The following FAM204A variants were observed in gnomAD, a reference collection of about 807,000 sequenced individuals.
FAM204A encodes the protein protein FAM204A.
FAM204A carries 16 observed loss-of-function variants against 35.4 expected under a neutral mutation model. The ratio of observed to expected loss-of-function variants is 0.45; its 90% CI spans 0.31 to 0.69. The LOEUF (loss-of-function observed/expected upper bound fraction) is 0.69. Among genes scored for constraint, FAM204A ranks in the 30% least tolerant of loss-of-function variants. The pLI is 0.07. For synonymous variants in FAM204A, 76 were observed against 86.9 expected (o/e 0.88, Z 0.70); for missense variants, 240 against 265.7 (o/e 0.90, Z 0.67).
intron 8 of FAM204A, 144 bp downstream of exon 8, chr10:118,311,063 C>G: frequency 9.7e-7 from 1 of 1,026,752 alleles, no homozygotes; most frequent in African/African-American, 1.6e-5. Flanking sequence ...AGAAATGCCT[C>G]TATATTTATA....
chr10:118,313,153 TA>T (rs111988854), intron 7 of FAM204A, among the ~76,000 whole-genome samples: 289 of 144,126 alleles, frequency 2.0e-3, no homozygotes, highest in Middle Eastern at 7.2e-3. Flanking sequence ...GTCATACATG[TA>T]AAAAAAAAAA....
In FAM204A at chr10:118,335,207, C is replaced by T. The variant is rs565833159; in HGVS notation, c.360G>A (p.Pro120=). The T allele has an allele frequency of 1.9e-5, 30 of 1,612,200 alleles. No homozygotes were observed. The highest frequency in any genetic ancestry group is 1.8e-4 in the East Asian group (8 of 44,812). The change falls in exon 6 of 9, where the codon CCG becomes CCA. Residue 120 remains proline, a synonymous_variant. Coordinates refer to ENST00000369183, the MANE Select transcript of FAM204A (RefSeq NM_022063.3). ...CTTTCCACTGGGTTTCATTTGAGGA[C>T]GGTTCACTAAAAGAAGATAGTAAGT... ...LKNEKELHSE[P]SSNETQWKEL...
rs893022143 is a variant in FAM204A, at chr10:118,307,235, G to A, written c.*3622C>T. 6.6e-6 allele frequency: 1 copy of A among 152,158 alleles called. No individual in the cohort carries two copies. The highest frequency in any genetic ancestry group is 1.5e-5 in the Non-Finnish European group (1 of 68,030). 9.4% of individuals were successfully genotyped at this position (152,158 alleles called of 1,614,324 possible). On this transcript the variant is annotated 3_prime_UTR_variant, in exon 9 of 9. Coordinates refer to ENST00000369183, the MANE Select transcript of FAM204A (RefSeq NM_022063.3). ...CGTCACCATGCTAGAAGGCACTGATGTCACAAATACCAGTCTACATTTGGT... is the reference window on the plus strand; with the variant it reads ...CGTCACCATGCTAGAAGGCACTGATATCACAAATACCAGTCTACATTTGGT...
In FAM204A at chr10:118,319,797, A is replaced by G. The variant is rs1431333112; in HGVS notation, c.543+6357T>C. Among the ~76,000 whole-genome samples, 4 of 152,074 alleles carry G rather than the reference A, an allele frequency of 2.6e-5. No individual in the cohort carries two copies. The South Asian group carries it at 6.2e-4, about 24-fold the overall frequency. The stretch of plus-strand genomic sequence containing the variant: ...ATGCCTTGCAAATCATCAAAAACCA[A>G]TATGATTACTCTTTGTAGCTTGTGC... On this transcript the variant is annotated intron_variant, in intron 7 of 8. Transcript: ENST00000369183.
intron 6 of FAM204A, among the ~76,000 whole-genome samples, chr10:118,330,213 T>C (rs1418535966): frequency 6.6e-6 from 1 of 152,230 alleles, no homozygotes. Flanking sequence ...AATCTATTTG[T>C]ATAAAACATT....
chr10:118,298,902 A>G lies in FAM204A; in HGVS notation c.*11955T>C, dbSNP rs1288550219. On this transcript the variant is annotated 3_prime_UTR_variant, in exon 9 of 9. Transcript: ENST00000369183. ...ATTACCTATCCTGTTTAAAAAAATAAAACAATCTAAGAAGGCAGATAATGT... is the reference window on the plus strand; with the variant it reads ...ATTACCTATCCTGTTTAAAAAAATAGAACAATCTAAGAAGGCAGATAATGT... 1.3e-5 allele frequency: 2 copies of G among 152,204 alleles called. No individual in the cohort carries two copies. Among genetic ancestry groups the G allele is most frequent in the Admixed American group, 6.5e-5 (1 of 15,278 alleles). 9.4% of individuals were successfully genotyped at this position (152,204 alleles called of 1,614,324 possible).
chr10:118,311,939 GC>G (rs990852844), intron 7 of FAM204A, among the ~76,000 whole-genome samples: 7 of 151,976 alleles, frequency 4.6e-5, no homozygotes, highest in Non-Finnish European at 7.4e-5. Flanking sequence ...CTCTATGTGT[GC>G]CCCCCTTACA....
intron 6 of FAM204A, among the ~76,000 whole-genome samples, chr10:118,326,979 T>C (rs1846207094): frequency 1.3e-5 from 2 of 152,214 alleles, no homozygotes; most frequent in African/African-American, 4.8e-5. Flanking sequence ...CCAAACAGAC[T>C]AGGGTACAAT....
In FAM204A at chr10:118,326,137, T is replaced by C; in HGVS notation, c.543+17A>G. On this transcript the variant is annotated intron_variant, in intron 7 of 8. Coordinates refer to ENST00000369183, the MANE Select transcript of FAM204A (RefSeq NM_022063.3). ...AAAATTTGAAAATACAGAAAATGTG[T>C]AACCCTTTTGACTCACCTCTCGAGT... 1 of 1,594,204 alleles carries C rather than the reference T, an allele frequency of 6.3e-7. No homozygotes were observed. The highest frequency in any genetic ancestry group is 8.6e-7 in the Non-Finnish European group (1 of 1,168,898).
intron 7 of FAM204A, among the ~76,000 whole-genome samples, chr10:118,317,119 CA>C (rs2133270637): frequency 6.6e-6 from 1 of 151,996 alleles, no homozygotes; most frequent in East Asian, 1.9e-4. Context: ...ATCACATTTA[CA>C]ATAATGTGCC....
chr10:118,336,544 CTT>C (rs918595199), intron 2 of FAM204A, 121 bp from the exon 3 acceptor site: 38 of 677,436 alleles, frequency 5.6e-5, no homozygotes, highest in Non-Finnish European at 5.5e-5. Flanking sequence ...TCCATCTAAA[CTT>C]TTTTTTTTTA....
At position 118,336,615 on chromosome 10, in the gene FAM204A, G is replaced by A. The variant is rs147535304; in HGVS notation, c.-8-192C>T. Among the ~76,000 whole-genome samples the A allele has an allele frequency of 4.9e-3, 740 of 150,726 alleles. 5 individuals carry two copies. Among genetic ancestry groups the A allele is most frequent in the African/African-American group, 0.017 (701 of 41,114 alleles). On this transcript the variant is annotated intron_variant, in intron 2 of 8. Transcript: ENST00000369183. Reference sequence around the variant, plus strand: ...ATAATTAAAATCTTCACTTGTGTAAGTAAAAAAAAAGTTTAGAAGTTTAAA... The same window carrying A: ...ATAATTAAAATCTTCACTTGTGTAAATAAAAAAAAAGTTTAGAAGTTTAAA...
At chr10:118,333,538 C>T (rs1475863248) in intron 6 of FAM204A, among the ~76,000 whole-genome samples, 5 of 152,164 alleles carry the variant, frequency 3.3e-5, no homozygotes, top group East Asian at 1.9e-4. Context: ...TTTAAACCAA[C>T]GATCCCAAAC....
At chr10:118,311,793 TTAC>T (rs1845955908) in intron 7 of FAM204A, among the ~76,000 whole-genome samples, 3 of 152,314 alleles carry the variant, frequency 2.0e-5, no homozygotes, top group Admixed American at 2.0e-4. Flanking sequence ...GGAAAGCTAA[TTAC>T]TACTTCATAA....
chr10:118,321,828 C>G (rs1477069564), intron 7 of FAM204A, among the ~76,000 whole-genome samples: 4 of 149,374 alleles, frequency 2.7e-5, no homozygotes, highest in African/African-American at 9.8e-5. Context: ...CAGCTTCAAA[C>G]TGCACATAGA....
chr10:118,311,412 G>C (rs1482026458), intron 7 of FAM204A, 99 bp from the exon 8 acceptor site: 3 of 916,804 alleles, frequency 3.3e-6, no homozygotes, highest in Non-Finnish European at 3.3e-6. Flanking sequence ...GGGTAAGAAA[G>C]CCATGTCTAG....
intron 2 of FAM204A, among the ~76,000 whole-genome samples, chr10:118,340,871 A>C (rs1846466988): frequency 6.6e-6 from 1 of 152,056 alleles, no homozygotes; most frequent in Admixed American, 6.6e-5. Context: ...GACTTGCCTA[A>C]TGCATTCTGA....
intron 6 of FAM204A, among the ~76,000 whole-genome samples, chr10:118,328,878 G>A (rs1042863778): frequency 2.6e-5 from 4 of 151,970 alleles, no homozygotes; most frequent in Admixed American, 6.5e-5. Flanking sequence ...CATATTTTTC[G>A]TCTTACTTTT....
chr10:118,327,541 T>C (rs183605350), intron 6 of FAM204A, among the ~76,000 whole-genome samples: 58 of 152,300 alleles, frequency 3.8e-4, no homozygotes, highest in Non-Finnish European at 6.8e-4. Context: ...CACTCATTCT[T>C]GTCCTGTGAT....
Sources: allele counts gnomAD v4.1 joint callset (sites outside exome capture counted in the v4.1 genomes callset), GRCh38; gene constraint gnomAD v4.1.1; transcripts MANE v1.5; gene names NCBI Gene and HGNC (gene_info 2026-07-23, HGNC 2026-07-21).